Variants in SV2C observed in about 807,000 individuals in gnomAD.
SV2C encodes solute carrier family 22 member B3.
SV2C carries 49 observed loss-of-function variants against 79.7 expected under a neutral mutation model. The ratio of observed to expected loss-of-function variants is 0.61; its 90% CI spans 0.49 to 0.78. SV2C has a LOEUF of 0.78. Ranked by LOEUF, SV2C falls within the 30% of genes least tolerant of loss-of-function variation. The pLI, the probability that SV2C is intolerant of heterozygous loss-of-function variation, is 0.00. For synonymous variants in SV2C, 334 were observed against 333.2 expected (o/e 1.00, Z -0.03); for missense variants, 833 against 912.9 (o/e 0.91, Z 1.13).
At chr5:75,850,065 G>A in the SV2C span, among the ~76,000 whole-genome samples, 1 of 152,074 alleles carries the variant, frequency 6.6e-6, no homozygotes, top group Non-Finnish European at 1.5e-5. Flanking sequence ...AAATGATGCT[G>A]TTTAATTCTG....
intron 1 of SV2C, among the ~76,000 whole-genome samples, chr5:76,113,455 CTA>C (rs1317321253): frequency 6.6e-6 from 1 of 152,196 alleles, no homozygotes; most frequent in East Asian, 1.9e-4. Context: ...ATTGTCTTGG[CTA>C]TGAAGAATAT....
chr5:76,304,314 G>C (rs1405262032), intron 12 of SV2C, among the ~76,000 whole-genome samples: 2 of 152,180 alleles, frequency 1.3e-5, no homozygotes, highest in Non-Finnish European at 2.9e-5. Flanking sequence ...TAATTAGTGA[G>C]TATCTGAAAA....
At chr5:76,222,262 A>C (rs1745087789) in intron 4 of SV2C, among the ~76,000 whole-genome samples, 1 of 152,234 alleles carries the variant, frequency 6.6e-6, no homozygotes, top group Non-Finnish European at 1.5e-5. Flanking sequence ...AAAATAACCA[A>C]AATGTCCTGC....
the SV2C span, among the ~76,000 whole-genome samples, chr5:76,072,277 G>A: frequency 6.6e-6 from 1 of 152,130 alleles, no homozygotes; most frequent in African/African-American, 2.4e-5. Flanking sequence ...TTAATTAAAT[G>A]TGTGAACAAT....
rs1745695949 is a variant in SV2C at position 76,238,829 on chromosome 5, AC to A, written c.913+28943del. 7.9e-5 allele frequency among the ~76,000 whole-genome samples: 12 copies of A among 152,260 alleles called. No homozygotes were observed. The South Asian group carries it at 2.5e-3, about 32-fold the overall frequency. On this transcript the variant is annotated intron_variant, in intron 4 of 12. Coordinates refer to ENST00000502798, the MANE Select transcript of SV2C (RefSeq NM_014979.4). ...ACTATTCACACTGGTGAAAACTTTGACTTAAATCCTCTACTTTTAGTCTCAC... is the reference window on the plus strand; with the variant it reads ...ACTATTCACACTGGTGAAAACTTTGATTAAATCCTCTACTTTTAGTCTCAC...
At chr5:76,225,815 A>C (rs1745218664) in intron 4 of SV2C, among the ~76,000 whole-genome samples, 1 of 152,188 alleles carries the variant, frequency 6.6e-6, no homozygotes, top group African/African-American at 2.4e-5. Context: ...CATTACAGCT[A>C]AACAAACTGG....
chr5:75,911,461 T>C, the SV2C span: 14 of 928,456 alleles, frequency 1.5e-5, no homozygotes, highest in Non-Finnish European at 2.2e-5. Context: ...CAGGCCCTCC[T>C]CAGGGAACAT....
intron 1 of SV2C, among the ~76,000 whole-genome samples, chr5:76,090,993 T>G (rs1747357585): frequency 6.6e-6 from 1 of 152,220 alleles, no homozygotes; most frequent in Non-Finnish European, 1.5e-5. Context: ...TTAATATCAC[T>G]TTTTAGTAGT....
intron 4 of SV2C, among the ~76,000 whole-genome samples, chr5:76,258,251 C>T (rs763664655): frequency 1.9e-4 from 29 of 152,066 alleles, no homozygotes; most frequent in South Asian, 4.1e-4. Context: ...AACTGCTGCC[C>T]GGCCCTTTGG....
the SV2C span, among the ~76,000 whole-genome samples, chr5:76,002,838 A>C: frequency 6.6e-6 from 1 of 151,364 alleles, no homozygotes; most frequent in Non-Finnish European, 1.5e-5. Context: ...TGCATCAGCT[A>C]CCCAGCTACC....
chr5:75,961,115 T>C, the SV2C span, among the ~76,000 whole-genome samples: 1 of 152,050 alleles, frequency 6.6e-6, no homozygotes, highest in Admixed American at 6.6e-5. Flanking sequence ...AATATGCTCT[T>C]TCCTTCTACC....
At chr5:76,009,148 A>C in the SV2C span, among the ~76,000 whole-genome samples, 15 of 152,266 alleles carry the variant, frequency 9.9e-5, no homozygotes, top group African/African-American at 3.6e-4. Context: ...TTGGCCAATA[A>C]ACACATACAA....
intron 4 of SV2C, among the ~76,000 whole-genome samples, chr5:76,236,295 C>T (rs1441547937): frequency 6.6e-6 from 1 of 152,126 alleles, no homozygotes; most frequent in Non-Finnish European, 1.5e-5. Flanking sequence ...TAGGCCTGGG[C>T]ATGGTGGCTC....
chr5:76,077,810 G>A, the SV2C span, among the ~76,000 whole-genome samples: 2 of 152,214 alleles, frequency 1.3e-5, no homozygotes, highest in Non-Finnish European at 1.5e-5. Context: ...GGATCTGGGT[G>A]TAGGCTTAAA....
intron 4 of SV2C, among the ~76,000 whole-genome samples, chr5:76,237,991 C>T (rs1419621188): frequency 8.5e-6 from 1 of 118,100 alleles, no homozygotes; most frequent in African/African-American, 6.6e-5. Flanking sequence ...CACACACACA[C>T]ATACATACAT....
chr5:76,165,332 AT>A (rs562503470), intron 2 of SV2C, among the ~76,000 whole-genome samples: 7 of 151,274 alleles, frequency 4.6e-5, no homozygotes, highest in South Asian at 4.2e-4. Context: ...GGATTTCACC[AT>A]TTTTTTTTAC....
In SV2C at chr5:76,147,114, G is replaced by A. The variant is rs571556191; in HGVS notation, c.580+14784G>A. 8.5e-5 allele frequency among the ~76,000 whole-genome samples: 13 copies of A among 152,282 alleles called. No homozygotes were observed. In the East Asian group the frequency reaches 1.7e-3, roughly 20 times the overall value. ...CTAGCTATAGGTTTGTGGTGATGAC[G>A]AAGTTTTGGACATAGGCAATGGTGA... is the stretch of plus-strand genomic sequence containing the variant. On this transcript the variant is annotated intron_variant, in intron 2 of 12. Transcript: ENST00000502798.
chr5:76,116,488 G>A (rs762391950), intron 1 of SV2C, among the ~76,000 whole-genome samples: 4 of 152,154 alleles, frequency 2.6e-5, no homozygotes, highest in Admixed American at 6.5e-5. Flanking sequence ...GCTCTTCCCA[G>A]TCCCCACCGC....
chr5:75,904,400 C>CAGAGAGAGAGAGAG, the SV2C span, among the ~76,000 whole-genome samples: 6 of 138,764 alleles, frequency 4.3e-5, no homozygotes, highest in South Asian at 2.3e-4. Context: ...AAAACAAACC[C>CAGAGAGAGAGAGAG]AGAGAGAGAG....
Sources: allele counts gnomAD v4.1 joint callset (sites outside exome capture counted in the v4.1 genomes callset), GRCh38; gene constraint gnomAD v4.1.1; transcripts MANE v1.5; gene names NCBI Gene and HGNC (gene_info 2026-07-23, HGNC 2026-07-21).